The following AR variants were observed in gnomAD, a reference collection of about 807,000 sequenced individuals.
AR encodes the protein androgen receptor, also known as dihydrotestosterone receptor.
AR carries 8 observed loss-of-function variants against 53.9 expected under a neutral mutation model. That is an observed-to-expected ratio of 0.15 (90% CI 0.09 to 0.27). The LOEUF (loss-of-function observed/expected upper bound fraction) is 0.27, where lower values mean the gene tolerates loss of function less well. Ranked by LOEUF, AR falls within the 10% of genes least tolerant of loss-of-function variation. The probability of loss-of-function intolerance (pLI) is 1.00; values close to 1 mark genes in which losing one functional copy is unlikely to be tolerated. For missense variants in AR, 639 were observed against 742.5 expected (o/e 0.86, Z 1.62); for synonymous variants, 359 against 316.4 (o/e 1.13, Z -1.43).
rs1310309738 is a variant in AR at position 67,724,593 on chromosome X, A to AATG, written c.*753_*755dup. ...ACAGAGAGGAGAGGACAAGGAGGGC[A>AATG]ATGGAGCATCAGTACCTGCCCACAG... is the stretch of plus-strand genomic sequence containing the variant. On this transcript the variant is annotated 3_prime_UTR_variant, in exon 8 of 8. Transcript: ENST00000374690. The AATG allele has an allele frequency of 5.8e-6, 1 of 173,482 alleles. No individual in the cohort carries two copies. Among genetic ancestry groups the AATG allele is most frequent in the African/African-American group, 3.0e-5 (1 of 33,532 alleles). 14.3% of individuals were successfully genotyped at this position (173,482 alleles called of 1,213,427 possible).
At chrX:67,668,175 A>G (rs897119477) in intron 2 of AR, among the ~76,000 whole-genome samples, 1 of 111,945 alleles carries the variant, frequency 8.9e-6, no homozygotes, top group African/African-American at 3.2e-5. Flanking sequence ...GTTTTTCTGA[A>G]TTTAGTATGA....
chrX:67,658,944 G>A (rs1935547781), intron 2 of AR, among the ~76,000 whole-genome samples: 1 of 111,922 alleles, frequency 8.9e-6, no homozygotes, highest in African/African-American at 3.2e-5. Flanking sequence ...ATGGGGAATT[G>A]GAGGGAGATA....
At chrX:67,645,670 T>G (rs1054025212) in intron 2 of AR, among the ~76,000 whole-genome samples, 7 of 110,724 alleles carry the variant, frequency 6.3e-5, no homozygotes, top group African/African-American at 2.0e-4. Flanking sequence ...TATTTTGACA[T>G]ATGGACCATA....
At chrX:67,558,737 G>T (rs186131912) in intron 1 of AR, among the ~76,000 whole-genome samples, 3 of 112,158 alleles carry the variant, frequency 2.7e-5, no homozygotes, top group Non-Finnish European at 5.6e-5. Context: ...ACAAACCTGG[G>T]CAATTCAATG....
At chrX:67,649,107 G>A (rs1926206122) in intron 2 of AR, among the ~76,000 whole-genome samples, 1 of 111,234 alleles carries the variant, frequency 9.0e-6, no homozygotes, top group Non-Finnish European at 1.9e-5. Context: ...TCCCACTTAT[G>A]AGTGAGAACA....
intron 1 of AR, among the ~76,000 whole-genome samples, chrX:67,630,394 G>A (rs942429558): frequency 5.4e-5 from 6 of 111,282 alleles, no homozygotes; most frequent in African/African-American, 1.6e-4. Context: ...ATTATGTAAT[G>A]GCCTTCTTTG....
intron 1 of AR, among the ~76,000 whole-genome samples, chrX:67,597,496 C>A (rs779946499): frequency 8.9e-6 from 1 of 111,926 alleles, no homozygotes; most frequent in Non-Finnish European, 1.9e-5. Flanking sequence ...ATCCTGGGAT[C>A]TTCATGTTGC....
chrX:67,694,096 T>A (rs1397132289), intron 3 of AR, among the ~76,000 whole-genome samples: 1 of 111,687 alleles, frequency 9.0e-6, no homozygotes, highest in Non-Finnish European at 1.9e-5. Context: ...TGAAAGAGAC[T>A]GATGACTCTC....
chrX:67,635,103 G>T (rs1925365397), intron 1 of AR, among the ~76,000 whole-genome samples: 2 of 101,892 alleles, frequency 2.0e-5, no homozygotes, highest in Admixed American at 1.1e-4. Context: ...GCCAAGAAAA[G>T]TGCTCTTTTT....
chrX:67,687,471 C>T lies in AR; in HGVS notation c.1885+1345C>T, dbSNP rs745664620. Among the ~76,000 whole-genome samples, 7 of 112,078 alleles carry T rather than the reference C, an allele frequency of 6.2e-5. No homozygotes were observed. The South Asian group carries it at 2.2e-3, about 36-fold the overall frequency. On this transcript the variant is annotated intron_variant, in intron 3 of 7. Coordinates refer to ENST00000374690, the MANE Select transcript of AR (RefSeq NM_000044.6). ...GATGTTCTGTGAGTGGCTTTCCAAG[C>T]ATCCACATCAAATGAGACTCAGATA...
At chrX:67,706,047 C>A (rs1320193441) in intron 3 of AR, among the ~76,000 whole-genome samples, 1 of 111,773 alleles carries the variant, frequency 8.9e-6, no homozygotes, top group Non-Finnish European at 1.9e-5. Flanking sequence ...ATTCAGTTTG[C>A]CAGTATTGTA....
chrX:67,651,014 G>A (rs184474021), intron 2 of AR, among the ~76,000 whole-genome samples: 1 of 110,619 alleles, frequency 9.0e-6, no homozygotes, highest in African/African-American at 3.3e-5. Context: ...CTTCCAGGAG[G>A]TTATAGCTTA....
intron 1 of AR, among the ~76,000 whole-genome samples, chrX:67,629,145 G>T (rs970572850): frequency 2.7e-5 from 3 of 110,784 alleles, no homozygotes; most frequent in African/African-American, 9.8e-5. Context: ...GATGATGCTG[G>T]CCTCATAAAA....
At chrX:67,569,939 T>G (rs1921740388) in intron 1 of AR, among the ~76,000 whole-genome samples, 1 of 112,038 alleles carries the variant, frequency 8.9e-6, no homozygotes, top group Admixed American at 9.5e-5. Flanking sequence ...CCTACTTATC[T>G]TAGTTTGTAT....
At chrX:67,702,279 G>C (rs185677878) in intron 3 of AR, among the ~76,000 whole-genome samples, 2 of 111,769 alleles carry the variant, frequency 1.8e-5, no homozygotes, top group Non-Finnish European at 3.8e-5. Flanking sequence ...CAACTCCCGA[G>C]CTCAAAGCTA....
intron 3 of AR, among the ~76,000 whole-genome samples, chrX:67,698,863 GGA>G (rs1430243063): frequency 9.0e-6 from 1 of 111,424 alleles, no homozygotes; most frequent in Non-Finnish European, 1.9e-5. Flanking sequence ...AGGAATGAAT[GGA>G]GAGTGAAAAC....
At chrX:67,564,515 ATTTG>A (rs770395280) in intron 1 of AR, among the ~76,000 whole-genome samples, 1 of 111,399 alleles carries the variant, frequency 9.0e-6, no homozygotes, top group East Asian at 2.8e-4. Context: ...GGCGGGATGT[ATTTG>A]TTTGGGAATT....
rs1003362640 is a variant in AR at position 67,725,144 on chromosome X, G to C, written c.*1303G>C. 1.7e-5 allele frequency: 3 copies of C among 174,159 alleles called. No homozygotes were observed. Among genetic ancestry groups the C allele is most frequent in the Non-Finnish European group, 3.3e-5 (3 of 91,390 alleles). The allele number at this position is 174,159 out of a possible 1,213,427, so 14.4% of individuals were successfully genotyped here. On this transcript the variant is annotated 3_prime_UTR_variant, in exon 8 of 8. Coordinates refer to ENST00000374690, the MANE Select transcript of AR (RefSeq NM_000044.6). ...TTCATCACACTGCATTTCAGCCATG[G>C]TCATCAAGCCTGTTTGCTTCTTTTG...
In AR at chrX:67,727,542, CTAAG is replaced by C. The variant is rs1440771370; in HGVS notation, c.*3703_*3706del. 1.7e-5 allele frequency: 3 copies of C among 172,572 alleles called. No homozygotes were observed. The highest frequency in any genetic ancestry group is 1.6e-4 in the Admixed American group (2 of 12,709). 14.2% of individuals were successfully genotyped at this position (172,572 alleles called of 1,213,427 possible). On this transcript the variant is annotated 3_prime_UTR_variant, in exon 8 of 8. Transcript: ENST00000374690. ...GCTAACATTGAGCTTCAAGTAGCTT[CTAAG>C]TGTTTGTTTCATTAGGCACAGCACA...
Sources: gnomAD v4.1 joint callset for allele counts (sites outside exome capture counted in the v4.1 genomes callset) on GRCh38, gnomAD v4.1.1 for gene constraint, MANE v1.5 for transcripts, NCBI Gene and HGNC (gene_info 2026-07-23, HGNC 2026-07-21) for gene names.